TTYH2: variants seen among roughly 807,000 people sequenced by gnomAD.
TTYH2 encodes tweety family member 2.
Under a neutral mutation model 68.3 loss-of-function variants are expected in TTYH2, and 49 were observed. The observed-to-expected ratio is 0.72, with a 90% CI of 0.57 to 0.91. The LOEUF is 0.91. TTYH2 is among the 40% of genes least tolerant of loss of function. The pLI is 0.00. For synonymous variants in TTYH2, 272 were observed against 300.8 expected, an observed-to-expected ratio of 0.90 and a Z score of 0.99; for missense variants, 631 against 700.4, an observed-to-expected ratio of 0.90 and a Z score of 1.12.
chr17:74,258,329 A>G (rs912374877), intron 13 of TTYH2, among the ~76,000 whole-genome samples: 1 of 151,198 alleles, frequency 6.6e-6, no homozygotes, highest in South Asian at 2.1e-4. Flanking sequence ...GCAGTGGCAT[A>G]ATCTCGGCTC....
In TTYH2 at chr17:74,232,951, C is replaced by T. The variant is rs1181840254; in HGVS notation, c.414+1952C>T. On this transcript the variant is annotated intron_variant, in intron 3 of 13. Coordinates refer to ENST00000269346, the MANE Select transcript of TTYH2 (RefSeq NM_032646.6). The surrounding 1 kb of genome is among the most constrained non-coding windows in gnomAD (Gnocchi z 5.1). ...GGTTTGGACATTTCACAGCAGGTTC[C>T]ACTCTCTGAAATCCCTGCTCCAGGG... Among the ~76,000 whole-genome samples, 1 of 152,220 alleles carries T rather than the reference C, an allele frequency of 6.6e-6. No homozygotes were observed. The highest frequency in any genetic ancestry group is 1.5e-5 in the Non-Finnish European group (1 of 68,026).
chr17:74,252,036 C>T (rs2050636070), intron 10 of TTYH2, 198 bp from the exon 11 acceptor site: 2 of 639,006 alleles, frequency 3.1e-6, no homozygotes, highest in Non-Finnish European at 5.4e-6. Context: ...GCAAATGTTT[C>T]CAGCGTGAAC....
Position 74,229,197 on chromosome 17 carries a change from G to T in TTYH2, c.303-1691G>T, listed in dbSNP as rs1040958643. Among the ~76,000 whole-genome samples, 6 of 152,250 alleles carry T rather than the reference G, an allele frequency of 3.9e-5. No individual in the cohort carries two copies. In the East Asian group the frequency reaches 1.2e-3, roughly 29 times the overall value. On this transcript the variant is annotated intron_variant, in intron 2 of 13. Coordinates refer to ENST00000269346, the MANE Select transcript of TTYH2 (RefSeq NM_032646.6). The stretch of plus-strand genomic sequence containing the variant: ...ATGTCGAGAGAGTCCACAATTCCTG[G>T]AGGTGTCAAGAGAGACCCAAGGTTG...
At chr17:74,219,387 C>CAAAAAAAAAAAAAAAAAAAAAAA (rs1031171600) in intron 1 of TTYH2, among the ~76,000 whole-genome samples, 25 of 88,452 alleles carry the variant, frequency 2.8e-4, no homozygotes, top group African/African-American at 1.4e-3. Flanking sequence ...GACTCCGTGT[C>CAAAAAAAAAAAAAAAAAAAAAAA]AAAAAAAAAA....
chr17:74,230,910 T>C lies in TTYH2; in HGVS notation c.325T>C (p.Tyr109His), dbSNP rs1567813505. ...ICCAAVGVGF[Y>H]GNSETNDGAY... ...TAGTGCTGCGGTGGGCGTTGGTTTCTATGGAAACAGCGAGACCAACGATGG... is the reference window on the plus strand; with the variant it reads ...TAGTGCTGCGGTGGGCGTTGGTTTCCATGGAAACAGCGAGACCAACGATGG... Residue 109 changes from tyrosine to histidine, a missense_variant, in exon 3 of 14, where the codon TAT becomes CAT. Transcript: ENST00000269346. The C allele has an allele frequency of 3.7e-6, 6 of 1,614,206 alleles. No individual in the cohort carries two copies. Among genetic ancestry groups the C allele is most frequent in the South Asian group, 1.1e-5 (1 of 91,078 alleles).
At position 74,250,344 on chromosome 17, in the gene TTYH2, G is replaced by A. The variant is rs146608677; in HGVS notation, c.1103G>A (p.Arg368Gln). 1.5e-4 allele frequency: 234 copies of A among 1,613,004 alleles called. No homozygotes were observed. Among genetic ancestry groups the A allele is most frequent in the Non-Finnish European group, 1.8e-4 (217 of 1,179,532 alleles). ...LHQLTAMVDCRGLHKDYLDAL... is the reference protein window; with the variant it reads ...LHQLTAMVDCQGLHKDYLDAL... ...CAGCTGACCGCCATGGTGGACTGCC[G>A]AGGGCTGCACAAGGTGCATGGGGAC... is the stretch of plus-strand genomic sequence containing the variant. Residue 368 changes from arginine to glutamine, a missense_variant, in exon 10 of 14, where the codon CGA becomes CAA. By Grantham distance (43) the Arg-to-Gln change is conservative. Coordinates refer to ENST00000269346, the MANE Select transcript of TTYH2 (RefSeq NM_032646.6).
intron 4 of TTYH2, chr17:74,240,709 C>T (rs774062253): frequency 1.3e-5 from 2 of 152,178 alleles, no homozygotes; most frequent in Admixed American, 6.5e-5. Flanking sequence ...CCAAGGGGCT[C>T]CTCTCTTTGA....
intron 1 of TTYH2, among the ~76,000 whole-genome samples, chr17:74,219,467 C>T (rs941724655): frequency 6.6e-6 from 1 of 151,344 alleles, no homozygotes. Context: ...TTTATACCCT[C>T]GAGCACCTGC....
Position 74,253,104 on chromosome 17 carries a change from A to G in TTYH2, c.1283A>G (p.Asp428Gly). The G allele has an allele frequency of 6.2e-7, 1 of 1,612,406 alleles. No individual in the cohort carries two copies. The highest frequency in any genetic ancestry group is 8.5e-7 in the Non-Finnish European group (1 of 1,178,886). Residue 428 changes from aspartate to glycine, a missense_variant, in exon 12 of 14, where the codon GAT (aspartate) becomes GGT (glycine). Coordinates refer to ENST00000269346, the MANE Select transcript of TTYH2 (RefSeq NM_032646.6). Reference protein sequence around the residue: ...TTRNRDYDDIDDDDPFNPQAW... With the variant: ...TTRNRDYDDIGDDDPFNPQAW... ...AGAAACAGAGACTACGATGACATTG[A>G]TGATGATGACCCCTTTAACCCCCAA...
rs534913119 is a variant in TTYH2, at chr17:74,239,176, G to A, written c.635+1662G>A. On this transcript the variant is annotated intron_variant, in intron 4 of 13. Transcript: ENST00000269346. This position sits in a 1 kb window ranked among gnomAD's most constrained non-coding sequence, Gnocchi z 5.3. ...CTAGCCAGAGGCACTGGACACAATC[G>A]GCGGAGCAGGGACCTGCTGCCCCTC... is the stretch of plus-strand genomic sequence containing the variant. Among the ~76,000 whole-genome samples the A allele has an allele frequency of 3.5e-4, 53 of 152,302 alleles. No homozygotes were observed. The highest frequency in any genetic ancestry group is 1.2e-3 in the African/African-American group (49 of 41,554).
At chr17:74,240,299 C>T (rs1168455840) in intron 4 of TTYH2, among the ~76,000 whole-genome samples, 2 of 152,098 alleles carry the variant, frequency 1.3e-5, no homozygotes, top group East Asian at 1.9e-4. Flanking sequence ...ATTAGCTGGA[C>T]GTGGTGGCGC....
chr17:74,255,322 T>C (rs1299553038), intron 13 of TTYH2, among the ~76,000 whole-genome samples: 4 of 152,194 alleles, frequency 2.6e-5, no homozygotes, highest in African/African-American at 4.8e-5. Flanking sequence ...AATGGGCAAA[T>C]TGATTGTTAT....
intron 10 of TTYH2, 38 bp from the exon 11 acceptor site, chr17:74,252,196 G>A (rs762465361): frequency 2.1e-5 from 33 of 1,607,836 alleles, no homozygotes; most frequent in Admixed American, 5.0e-5. Context: ...CTTTGCCCCC[G>A]CTCCTTCACT....
intron 3 of TTYH2, among the ~76,000 whole-genome samples, chr17:74,231,374 A>G (rs1004570583): frequency 2.0e-5 from 3 of 152,084 alleles, no homozygotes; most frequent in Admixed American, 2.0e-4. Flanking sequence ...GGTCCAGGAG[A>G]TGCCAAGAGG....
rs1368381665 is a variant in TTYH2 at position 74,222,149 on chromosome 17, C to A, written c.130-336C>A. ...CTAGCTGGGGATTCCTGCCTTGTCT[C>A]CTGAGTGGCTCGGACTCTTCATCAG... On this transcript the variant is annotated intron_variant, in intron 1 of 13. Coordinates refer to ENST00000269346, the MANE Select transcript of TTYH2 (RefSeq NM_032646.6). The surrounding 1 kb of genome is among the most constrained non-coding windows in gnomAD (Gnocchi z 5.2). Among the ~76,000 whole-genome samples, 2 of 152,288 alleles carry A rather than the reference C, an allele frequency of 1.3e-5. No homozygotes were observed. The highest frequency in any genetic ancestry group is 3.9e-4 in the East Asian group (2 of 5,172).
chr17:74,250,813 T>C (rs1387532095), intron 10 of TTYH2: 1 of 155,312 alleles, frequency 6.4e-6, no homozygotes, highest in Non-Finnish European at 1.4e-5. Flanking sequence ...CCAAAAGCAG[T>C]GAGCCAGTGT....
intron 3 of TTYH2, among the ~76,000 whole-genome samples, chr17:74,231,568 T>C (rs1043676294): frequency 2.4e-4 from 37 of 151,932 alleles, no homozygotes; most frequent in Non-Finnish European, 1.5e-5. Context: ...TTCCAGCTAC[T>C]TGGGAGGCTG....
At chr17:74,221,387 C>T (rs1045023394) in intron 1 of TTYH2, among the ~76,000 whole-genome samples, 4 of 152,202 alleles carry the variant, frequency 2.6e-5, no homozygotes, top group African/African-American at 4.8e-5. Flanking sequence ...GCACAAGTCT[C>T]GTCTCCCCCT....
intron 13 of TTYH2, among the ~76,000 whole-genome samples, chr17:74,258,047 G>A (rs1037123818): frequency 1.3e-5 from 2 of 151,850 alleles, no homozygotes; most frequent in Non-Finnish European, 1.5e-5. Flanking sequence ...CCACCTACTC[G>A]GGAGGCTGAG....
Sources: gnomAD v4.1 joint callset for allele counts (sites outside exome capture counted in the v4.1 genomes callset) on GRCh38, gnomAD v4.1.1 for gene constraint, Gnocchi (gnomAD v3.1) non-coding constraint, MANE v1.5 for transcripts, NCBI Gene and HGNC (gene_info 2026-07-23, HGNC 2026-07-21) for gene names.